CARS1: variants seen among roughly 807,000 people sequenced by gnomAD.
CARS1 encodes cysteinyl-tRNA synthetase 1.
In CARS1, 48 loss-of-function variants were observed where a neutral mutation model predicts 106.2. The ratio of observed to expected loss-of-function variants is 0.45; its 90% CI spans 0.36 to 0.57. CARS1 has a LOEUF of 0.57. Among genes scored for constraint, CARS1 ranks in the 20% least tolerant of loss-of-function variants. CARS1 has a pLI of 0.00. For missense variants in CARS1, 968 were observed against 1,057.2 expected (o/e 0.92, Z 1.17); for synonymous variants, 409 against 403.4 (o/e 1.01, Z -0.17).
Position 3,029,572 on chromosome 11 carries a change from G to A in CARS1, c.802-129C>T, listed in dbSNP as rs1022877586. 2.5e-5 allele frequency: 23 copies of A among 906,478 alleles called. No homozygotes were observed. Among genetic ancestry groups the A allele is most frequent in the African/African-American group, 1.0e-4 (6 of 59,804 alleles). 56.2% of individuals were successfully genotyped at this position (906,478 alleles called of 1,614,324 possible). ...TGACCTTGACCTGTGAAGAGCCACC[G>A]TCTCCTAGGGAGACTGTGATGCTTA... On this transcript the variant is annotated intron_variant, in intron 7 of 22. Transcript: ENST00000380525. The surrounding 1 kb of genome is among the most constrained non-coding windows in gnomAD (Gnocchi z 5.9).
rs1270998221 is a variant in CARS1 at position 3,004,012 on chromosome 11, T to A, written c.2217+1354A>T. 6.6e-6 allele frequency among the ~76,000 whole-genome samples: 1 copy of A among 152,160 alleles called. No individual in the cohort carries two copies. The highest frequency in any genetic ancestry group is 1.5e-5 in the Non-Finnish European group (1 of 68,026). ...CCACCCTGGCGCTCCTCTTGTCTGT[T>A]TCCTGCTTCTGAGCACTCTGCCAGG... On this transcript the variant is annotated intron_variant, in intron 20 of 22. Transcript: ENST00000380525. The surrounding 1 kb of genome is among the most constrained non-coding windows in gnomAD (Gnocchi z 5.2).
At chr11:3,049,005 CT>C (rs1855395099) in intron 1 of CARS1, among the ~76,000 whole-genome samples, 1 of 152,260 alleles carries the variant, frequency 6.6e-6, no homozygotes, top group Non-Finnish European at 1.5e-5. Flanking sequence ...ACAAGGCCGC[CT>C]TGACACATGC....
chr11:3,025,794 T>G (rs1050527416), intron 10 of CARS1, among the ~76,000 whole-genome samples: 1 of 152,150 alleles, frequency 6.6e-6, no homozygotes, highest in African/African-American at 2.4e-5. Flanking sequence ...CTAGAAAAAG[T>G]CTGATATCTG....
intron 14 of CARS1, 189 bp from the exon 15 acceptor site, chr11:3,018,143 T>A: frequency 3.3e-6 from 2 of 615,068 alleles, no homozygotes; most frequent in Non-Finnish European, 5.7e-6. Flanking sequence ...GGTTTACAGA[T>A]GCTCATTTGG....
chr11:3,037,549 C>T lies in CARS1; in HGVS notation c.801+501G>A, dbSNP rs1051913767. On this transcript the variant is annotated intron_variant, in intron 7 of 22. Transcript: ENST00000380525. The surrounding 1 kb of genome is among the most constrained non-coding windows in gnomAD (Gnocchi z 5.9). ...AGGCCTGAGGAAGAGGGCAGGGTCC[C>T]CTCTGCACCCAGGTCTCTGCCCTGT... 2.6e-5 allele frequency among the ~76,000 whole-genome samples: 4 copies of T among 152,228 alleles called. No homozygotes were observed. Among genetic ancestry groups the T allele is most frequent in the Non-Finnish European group, 5.9e-5 (4 of 68,036 alleles).
Position 3,019,466 on chromosome 11 carries a change from C to G in CARS1, c.1267-199G>C, listed in dbSNP as rs1320813755. Among the ~76,000 whole-genome samples the G allele has an allele frequency of 6.6e-6, 1 of 152,198 alleles. No individual in the cohort carries two copies. The highest frequency in any genetic ancestry group is 1.5e-5 in the Non-Finnish European group (1 of 68,038). ...ATCCCAGCACTTTGCGATGCCGAGG[C>G]AGACGGATCACCAGGTCAGGAGTTC... On this transcript the variant is annotated intron_variant, in intron 11 of 22. Coordinates refer to ENST00000380525, the MANE Select transcript of CARS1 (RefSeq NM_001014437.3). The surrounding 1 kb of genome is among the most constrained non-coding windows in gnomAD (Gnocchi z 6.2).
rs542761000 is a variant in CARS1, at chr11:3,029,213, G to T, written c.942+90C>A. 18 of 1,498,326 alleles carry T rather than the reference G, an allele frequency of 1.2e-5. No homozygotes were observed. The highest frequency in any genetic ancestry group is 1.7e-5 in the Non-Finnish European group (18 of 1,079,614). 92.8% of individuals were successfully genotyped at this position (1,498,326 alleles called of 1,614,324 possible). On this transcript the variant is annotated intron_variant, in intron 8 of 22. Transcript: ENST00000380525. The surrounding 1 kb of genome is among the most constrained non-coding windows in gnomAD (Gnocchi z 5.9). ...ACTCAAGTTCAATGTTGACTTGGCC[G>T]CTTAATTGAGCTGGCCTTGCCAAAA... is the stretch of plus-strand genomic sequence containing the variant.
rs1852486703 is a variant in CARS1 at position 3,029,502 on chromosome 11, C to T, written c.802-59G>A. ...CCACACACTTCACATGAGAACATCT[C>T]GTGCAGCTGGTGTGAGCCCATCAGT... On this transcript the variant is annotated intron_variant, in intron 7 of 22. Transcript: ENST00000380525. This position sits in a 1 kb window ranked among gnomAD's most constrained non-coding sequence, Gnocchi z 5.9. 4 of 1,586,368 alleles carry T rather than the reference C, an allele frequency of 2.5e-6. No homozygotes were observed. Among genetic ancestry groups the T allele is most frequent in the East Asian group, 2.2e-5 (1 of 44,646 alleles).
intron 18 of CARS1, chr11:3,009,265 A>T (rs1012390857): frequency 2.0e-5 from 3 of 152,320 alleles, no homozygotes; most frequent in African/African-American, 7.2e-5. Context: ...GCCATTAAAA[A>T]GGCAGGAGGT....
chr11:3,032,903 G>C (rs1423616839), intron 7 of CARS1, among the ~76,000 whole-genome samples: 1 of 151,500 alleles, frequency 6.6e-6, no homozygotes, highest in African/African-American at 2.4e-5. Context: ...CACGGACTCA[G>C]GGTAATGACG....
At position 3,030,225 on chromosome 11, in the gene CARS1, GA is replaced by G; in HGVS notation, c.802-783del. 6.6e-6 allele frequency: 1 copy of G among 152,428 alleles called. No individual in the cohort carries two copies. Among genetic ancestry groups the G allele is most frequent in the Non-Finnish European group, 1.5e-5 (1 of 68,168 alleles). The allele number at this position is 152,428 out of a possible 1,614,324, so 9.4% of individuals were successfully genotyped here. A position where few individuals can be genotyped will look rare whatever the true frequency, so the allele number is the denominator to read the frequency against. ...CCAAGGCTGGAGAGAAAAAGTGTAGGAAAATGGCCTGGCAGACAGCAAGGAC... is the reference window on the plus strand; with the variant it reads ...CCAAGGCTGGAGAGAAAAAGTGTAGGAAATGGCCTGGCAGACAGCAAGGAC... On this transcript the variant is annotated intron_variant, in intron 7 of 22. Coordinates refer to ENST00000380525, the MANE Select transcript of CARS1 (RefSeq NM_001014437.3). This position sits in a 1 kb window ranked among gnomAD's most constrained non-coding sequence, Gnocchi z 5.7.
rs796248502 is a variant in CARS1 at position 3,020,142 on chromosome 11, C to A, written c.1266+78G>T. 2 of 874,996 alleles carry A rather than the reference C, an allele frequency of 2.3e-6. No homozygotes were observed. The highest frequency in any genetic ancestry group is 2.7e-5 in the South Asian group (2 of 74,482). 54.2% of individuals were successfully genotyped at this position (874,996 alleles called of 1,614,324 possible). ...CAACATCCTTCACACACAGAGCGGCCCTCTGCTGGGGGCCTGAGAGTGTGG... is the reference window on the plus strand; with the variant it reads ...CAACATCCTTCACACACAGAGCGGCACTCTGCTGGGGGCCTGAGAGTGTGG... On this transcript the variant is annotated intron_variant, in intron 11 of 22. Transcript: ENST00000380525. The surrounding 1 kb of genome is among the most constrained non-coding windows in gnomAD (Gnocchi z 4.6).
rs940722101 is a variant in CARS1 at position 3,030,256 on chromosome 11, G to C, written c.802-813C>G. On this transcript the variant is annotated intron_variant, in intron 7 of 22. Coordinates refer to ENST00000380525, the MANE Select transcript of CARS1 (RefSeq NM_001014437.3). This position sits in a 1 kb window ranked among gnomAD's most constrained non-coding sequence, Gnocchi z 5.7. ...GGCCTGGCAGACAGCAAGGACACAG[G>C]GTGGACAAAGCCACAACACAGACAG... 1 of 152,254 alleles carries C rather than the reference G, an allele frequency of 6.6e-6. No individual in the cohort carries two copies. The highest frequency in any genetic ancestry group is 1.5e-5 in the Non-Finnish European group (1 of 68,106). The allele number at this position is 152,254 out of a possible 1,614,324, so 9.4% of individuals were successfully genotyped here. A position where few individuals can be genotyped will look rare whatever the true frequency, so the allele number is the denominator to read the frequency against.
At position 3,017,073 on chromosome 11, in the gene CARS1, C is replaced by A; in HGVS notation, c.1917+33G>T. 1 of 1,589,594 alleles carries A rather than the reference C, an allele frequency of 6.3e-7. No homozygotes were observed. The highest frequency in any genetic ancestry group is 8.6e-7 in the Non-Finnish European group (1 of 1,162,388). ...GGCCTGGCTCCTGTGTCCACACAGGCTGAGGGATACGCCTGCCTGGGGCCT... is the reference window on the plus strand; with the variant it reads ...GGCCTGGCTCCTGTGTCCACACAGGATGAGGGATACGCCTGCCTGGGGCCT... On this transcript the variant is annotated intron_variant, in intron 16 of 22. Transcript: ENST00000380525. This position sits in a 1 kb window ranked among gnomAD's most constrained non-coding sequence, Gnocchi z 4.9.
Position 3,048,148 on chromosome 11 carries a change from G to T in CARS1, c.26-147C>A, listed in dbSNP as rs1239894136. The T allele has an allele frequency of 2.1e-6, 2 of 968,152 alleles. No individual in the cohort carries two copies. Among genetic ancestry groups the T allele is most frequent in the Non-Finnish European group, 3.0e-6 (2 of 669,460 alleles). 60.0% of individuals were successfully genotyped at this position (968,152 alleles called of 1,614,324 possible). A position where few individuals can be genotyped will look rare whatever the true frequency, so the allele number is the denominator to read the frequency against. Reference sequence around the variant, plus strand: ...ACGCCAAACATCCAGAACAGGCAAAGGCACAGGGGCAGCGCTTCGACTGGG... The same window carrying T: ...ACGCCAAACATCCAGAACAGGCAAATGCACAGGGGCAGCGCTTCGACTGGG... On this transcript the variant is annotated intron_variant, in intron 1 of 22. Transcript: ENST00000380525. This position sits in a 1 kb window ranked among gnomAD's most constrained non-coding sequence, Gnocchi z 5.1.
At position 3,057,404 on chromosome 11, in the gene CARS1, C is replaced by G. The variant is rs1341003554; in HGVS notation, c.-37G>C. On this transcript the variant is annotated 5_prime_UTR_variant, in exon 1 of 23. Coordinates refer to ENST00000380525, the MANE Select transcript of CARS1 (RefSeq NM_001014437.3). Reference sequence around the variant, plus strand: ...CCGGACCCGCAGCTGCGGCTACAGACACTTCCTAGAATCTGATGCAACCGC... The same window carrying G: ...CCGGACCCGCAGCTGCGGCTACAGAGACTTCCTAGAATCTGATGCAACCGC... 1.2e-6 allele frequency: 2 copies of G among 1,600,624 alleles called. No homozygotes were observed. The highest frequency in any genetic ancestry group is 1.1e-5 in the South Asian group (1 of 90,350).
chr11:3,007,254 C>T (rs549666979), intron 18 of CARS1: 5 of 436,726 alleles, frequency 1.1e-5, no homozygotes, highest in East Asian at 7.9e-5. Flanking sequence ...CACTGGCCGC[C>T]GGAAGCAGTT....
rs561277434 is a variant in CARS1 at position 3,028,893 on chromosome 11, C to T, written c.1031+103G>A. On this transcript the variant is annotated intron_variant, in intron 9 of 22. Coordinates refer to ENST00000380525, the MANE Select transcript of CARS1 (RefSeq NM_001014437.3). The surrounding 1 kb of genome is among the most constrained non-coding windows in gnomAD (Gnocchi z 4.4). ...GACTTCTAGCTACGCAGCCCCAGAA[C>T]ACCTGCTCCTCTGCTTCCCAAACTC... The T allele has an allele frequency of 5.5e-5, 45 of 814,524 alleles. No individual in the cohort carries two copies. The African/African-American group carries it at 7.3e-4, about 13-fold the overall frequency. 50.5% of individuals were successfully genotyped at this position (814,524 alleles called of 1,614,324 possible).
chr11:3,043,701 C>T lies in CARS1; in HGVS notation c.275-1445G>A, dbSNP rs1042446631. Among the ~76,000 whole-genome samples, 5 of 152,084 alleles carry T rather than the reference C, an allele frequency of 3.3e-5. No individual in the cohort carries two copies. Among genetic ancestry groups the T allele is most frequent in the Non-Finnish European group, 4.4e-5 (3 of 68,028 alleles). ...CACACTGATCACGGGGAAGTTGGTC[C>T]TGGGCACCAGCCATCTCTTGGCCTC... On this transcript the variant is annotated intron_variant, in intron 2 of 22. Transcript: ENST00000380525. This position sits in a 1 kb window ranked among gnomAD's most constrained non-coding sequence, Gnocchi z 4.0.
Sources: gnomAD v4.1 joint callset for allele counts (sites outside exome capture counted in the v4.1 genomes callset) on GRCh38, gnomAD v4.1.1 for gene constraint, Gnocchi (gnomAD v3.1) non-coding constraint, MANE v1.5 for transcripts, NCBI Gene and HGNC (gene_info 2026-07-23, HGNC 2026-07-21) for gene names.